The following CCDC7 variants were observed in gnomAD, a reference collection of about 807,000 sequenced individuals.
CCDC7 encodes the protein coiled-coil domain containing 7.
CCDC7 carries 183 observed loss-of-function variants against 196.9 expected under a neutral mutation model. That is an observed-to-expected ratio of 0.93 (90% CI 0.82 to 1.05). The LOEUF (loss-of-function observed/expected upper bound fraction) is 1.05, where lower values mean the gene tolerates loss of function less well. Ranked by LOEUF, CCDC7 falls within the 50% of genes least tolerant of loss-of-function variation. CCDC7 has a pLI of 0.00. For synonymous variants in CCDC7, 525 were observed against 484.6 expected (o/e 1.08, Z -1.10); for missense variants, 1,540 against 1,482.2 (o/e 1.04, Z -0.64).
At chr10:32,681,495 G>T (rs1200422973) in intron 21 of CCDC7, among the ~76,000 whole-genome samples, 3 of 152,048 alleles carry the variant, frequency 2.0e-5, no homozygotes, top group Non-Finnish European at 2.9e-5. Context: ...TCAACTTAAG[G>T]CGATTAGACT....
intron 24 of CCDC7, among the ~76,000 whole-genome samples, chr10:32,701,409 T>C (rs2078699317): frequency 6.6e-6 from 1 of 152,184 alleles, no homozygotes; most frequent in South Asian, 2.1e-4. Context: ...TGCTGCTGGA[T>C]TCAGTTTGCC....
rs117816993 is a variant in CCDC7 at position 32,522,480 on chromosome 10, G to T, written c.993+3975G>T. ...ATAGTTGCTCATAGTAGCCACTAAT[G>T]ATTCTTTGAATTTCTGTGGTATCAG... On this transcript the variant is annotated intron_variant, in intron 11 of 41. Transcript: ENST00000639629. Among the ~76,000 whole-genome samples, 301 of 152,136 alleles carry T rather than the reference G, an allele frequency of 2.0e-3. 3 individuals carry two copies. Among genetic ancestry groups the T allele is most frequent in the South Asian group, 0.013 (64 of 4,818 alleles).
chr10:32,565,545 T>C lies in CCDC7; in HGVS notation c.1135-13T>C, dbSNP rs764785415. The C allele has an allele frequency of 1.9e-6, 3 of 1,607,708 alleles. No homozygotes were observed. In the East Asian group the frequency reaches 6.7e-5, roughly 36 times the overall value. ...CAAAGTAAATACCTTTTTTCCCCCT[T>C]CTTACTTCCTAGAAAGTAGCACGTC... On this transcript the variant is annotated splice_polypyrimidine_tract_variant and intron_variant, in intron 13 of 41. Transcript: ENST00000639629.
chr10:32,726,618 ATG>A, intron 25 of CCDC7, 114 bp from the exon 27 acceptor site: 1 of 519,458 alleles, frequency 1.9e-6, no homozygotes, highest in Non-Finnish European at 3.4e-6. Flanking sequence ...TTTTATAAAA[ATG>A]AGAAAAAATA....
intron 32 of CCDC7, among the ~76,000 whole-genome samples, chr10:32,831,659 T>C (rs1046895595): frequency 6.6e-6 from 1 of 152,150 alleles, no homozygotes; most frequent in Non-Finnish European, 1.5e-5. Context: ...AGCCTAGACC[T>C]ACACAGAATC....
intron 24 of CCDC7, among the ~76,000 whole-genome samples, chr10:32,696,274 C>T (rs2077714730): frequency 6.6e-6 from 1 of 152,008 alleles, no homozygotes; most frequent in Admixed American, 6.6e-5. Flanking sequence ...GTGGTGGTGG[C>T]CTCCAACTGA....
At chr10:32,456,560 C>A (rs2034401683) in intron 3 of CCDC7, among the ~76,000 whole-genome samples, 1 of 151,992 alleles carries the variant, frequency 6.6e-6, no homozygotes, top group African/African-American at 2.4e-5. Context: ...TGAACCACCA[C>A]AAATAAGACA....
At chr10:32,454,540 A>G (rs1286455007) in intron 2 of CCDC7, among the ~76,000 whole-genome samples, 1 of 152,058 alleles carries the variant, frequency 6.6e-6, no homozygotes, top group African/African-American at 2.4e-5. Flanking sequence ...CCAGGTAACA[A>G]ACCTGCACAT....
intron 25 of CCDC7, chr10:32,725,304 T>C: frequency 2.1e-6 from 1 of 470,764 alleles, no homozygotes; most frequent in Non-Finnish European, 4.4e-6. Flanking sequence ...TAGCATATAC[T>C]ACTACAAAAA....
intron 28 of CCDC7, among the ~76,000 whole-genome samples, chr10:32,771,627 G>A (rs1324483983): frequency 2.0e-5 from 3 of 152,186 alleles, no homozygotes; most frequent in African/African-American, 7.2e-5. Context: ...AAGGTGATAT[G>A]ACCTGTCCTC....
intron 16 of CCDC7, among the ~76,000 whole-genome samples, chr10:32,578,553 C>T (rs1166355508): frequency 2.0e-5 from 3 of 151,080 alleles, no homozygotes; most frequent in Admixed American, 1.3e-4. Context: ...GTAAGGAGCA[C>T]GCAAACTAGA....
intron 29 of CCDC7, among the ~76,000 whole-genome samples, chr10:32,797,615 G>T (rs1047144646): frequency 6.6e-6 from 1 of 151,730 alleles, no homozygotes; most frequent in African/African-American, 2.4e-5. Context: ...CACCACTAAA[G>T]AACTTATATA....
At chr10:32,811,863 A>C (rs189513297) in intron 30 of CCDC7, among the ~76,000 whole-genome samples, 142 of 152,278 alleles carry the variant, frequency 9.3e-4, no homozygotes, top group African/African-American at 3.2e-3. Context: ...TCAGGAAGAT[A>C]ATGCACTGTG....
intron 20 of CCDC7, among the ~76,000 whole-genome samples, chr10:32,642,644 G>A (rs866533028): frequency 4.6e-5 from 7 of 152,182 alleles, no homozygotes; most frequent in Middle Eastern, 3.4e-3. Flanking sequence ...GCTTAGGCTC[G>A]GTGCCCCGCA....
chr10:32,527,720 T>C (rs2048892325), intron 11 of CCDC7, among the ~76,000 whole-genome samples: 1 of 152,232 alleles, frequency 6.6e-6, no homozygotes, highest in South Asian at 2.1e-4. Flanking sequence ...GTAATTGTTA[T>C]ATCCACACAA....
In CCDC7 at chr10:32,460,038, T is replaced by G. The variant is rs916948226; in HGVS notation, c.457-2645T>G. ...AACTAATTTGATATATGATCAAATA[T>G]GATACTGATGATGTAAGTATATGAC... On this transcript the variant is annotated intron_variant, in intron 3 of 41. Coordinates refer to ENST00000639629, the Ensembl canonical transcript of CCDC7. Among the ~76,000 whole-genome samples the G allele has an allele frequency of 2.6e-5, 4 of 152,128 alleles. No homozygotes were observed. In the East Asian group the frequency reaches 7.7e-4, roughly 29 times the overall value.
At chr10:32,625,658 A>C (rs2063942231) in intron 18 of CCDC7, among the ~76,000 whole-genome samples, 1 of 152,098 alleles carries the variant, frequency 6.6e-6, no homozygotes, top group South Asian at 2.1e-4. Flanking sequence ...CATGCTGTAC[A>C]GTAGATATCA....
At chr10:32,819,697 C>G (rs918835271) in intron 31 of CCDC7, among the ~76,000 whole-genome samples, 10 of 152,186 alleles carry the variant, frequency 6.6e-5, no homozygotes, top group African/African-American at 2.4e-4. Flanking sequence ...AGCATATAAA[C>G]AGAACCAATG....
intron 30 of CCDC7, among the ~76,000 whole-genome samples, chr10:32,811,662 A>T (rs1464025014): frequency 6.6e-6 from 1 of 152,120 alleles, no homozygotes; most frequent in Non-Finnish European, 1.5e-5. Context: ...ACTAACACCA[A>T]TTCCCCTCAA....
Sources: allele counts gnomAD v4.1 joint callset (sites outside exome capture counted in the v4.1 genomes callset), GRCh38; gene constraint gnomAD v4.1.1; transcripts MANE v1.5; gene names NCBI Gene and HGNC (gene_info 2026-07-23, HGNC 2026-07-21).